CFAP20DC: variants seen among roughly 807,000 people sequenced by gnomAD.
The protein encoded by CFAP20DC is protein CFAP20DC.
CFAP20DC carries 84 observed loss-of-function variants against 101.7 expected under a neutral mutation model. The observed-to-expected ratio is 0.83, with a 90% CI of 0.69 to 0.99. The LOEUF (loss-of-function observed/expected upper bound fraction) is 0.99. Among genes scored for constraint, CFAP20DC ranks in the 50% least tolerant of loss-of-function variants. CFAP20DC has a pLI of 0.00. For synonymous variants in CFAP20DC, 359 were observed against 351.2 expected (o/e 1.02, Z -0.25); for missense variants, 1,007 against 970.3 (o/e 1.04, Z -0.50).
chr3:58,919,771 A>G (rs2085139315), intron 5 of CFAP20DC, among the ~76,000 whole-genome samples: 1 of 152,172 alleles, frequency 6.6e-6, no homozygotes, highest in East Asian at 1.9e-4. Flanking sequence ...GATATTGTAA[A>G]TATCTTTAAA....
At position 59,007,602 on chromosome 3, in the gene CFAP20DC, A is replaced by G. The variant is rs1413934024; in HGVS notation, c.278+31955T>C. On this transcript the variant is annotated intron_variant, in intron 4 of 16. Coordinates refer to ENST00000482387, the MANE Select transcript of CFAP20DC (RefSeq NM_001394063.1). This position sits in a 1 kb window ranked among gnomAD's most constrained non-coding sequence, Gnocchi z 4.4. ...AACATGTCTACAACTAAGGACTCTC[A>G]CAGAGCCTACATCACTGCCGTGCTA... 1.3e-5 allele frequency among the ~76,000 whole-genome samples: 2 copies of G among 152,220 alleles called. No individual in the cohort carries two copies.
intron 4 of CFAP20DC, among the ~76,000 whole-genome samples, chr3:58,962,641 C>T (rs1009524643): frequency 1.3e-5 from 2 of 152,164 alleles, no homozygotes; most frequent in African/African-American, 4.8e-5. Context: ...ACTAGTAAAG[C>T]TTCTACCCTT....
At chr3:59,022,512 T>A (rs1236758381) in intron 4 of CFAP20DC, among the ~76,000 whole-genome samples, 1 of 152,140 alleles carries the variant, frequency 6.6e-6, no homozygotes, top group Non-Finnish European at 1.5e-5. Context: ...TAATCATATA[T>A]GGTTTTAAAT....
chr3:58,791,239 C>A lies in CFAP20DC; in HGVS notation c.2237+15156G>T, dbSNP rs183621500. On this transcript the variant is annotated intron_variant, in intron 15 of 16. Transcript: ENST00000482387. ...CCTAATATTACTATTAATATCCCTA[C>A]CAATACTATCATCACTTTCTACCAT... Among the ~76,000 whole-genome samples the A allele has an allele frequency of 1.3e-4, 20 of 152,206 alleles. No homozygotes were observed. The East Asian group carries it at 3.7e-3, about 28-fold the overall frequency.
At chr3:58,972,813 A>G (rs1283519313) in intron 4 of CFAP20DC, among the ~76,000 whole-genome samples, 2 of 152,210 alleles carry the variant, frequency 1.3e-5, no homozygotes, top group Admixed American at 6.6e-5. Flanking sequence ...TGTTCAAAGC[A>G]TAAGTAAGGC....
rs367931755 is a variant in CFAP20DC, at chr3:58,819,790, T to G, written c.2175+11896A>C. ...AGAGGGAATCCTCCCTAACTCATTT[T>G]ATGAGGCCAGCATCATCCTGATACC... On this transcript the variant is annotated intron_variant, in intron 14 of 16. Coordinates refer to ENST00000482387, the MANE Select transcript of CFAP20DC (RefSeq NM_001394063.1). Among the ~76,000 whole-genome samples, 43 of 148,622 alleles carry G rather than the reference T, an allele frequency of 2.9e-4. 1 individual carries two copies. The highest frequency in any genetic ancestry group is 8.9e-4 in the East Asian group (4 of 4,494).
At chr3:58,811,868 A>C (rs1489982930) in intron 14 of CFAP20DC, among the ~76,000 whole-genome samples, 2 of 151,656 alleles carry the variant, frequency 1.3e-5, no homozygotes, top group African/African-American at 4.8e-5. Flanking sequence ...AGAAAAAAAG[A>C]AACGACCCCA....
intron 4 of CFAP20DC, among the ~76,000 whole-genome samples, chr3:59,034,804 G>A (rs936070282): frequency 2.6e-5 from 4 of 152,074 alleles, no homozygotes; most frequent in Non-Finnish European, 5.9e-5. Context: ...AAATTAACAA[G>A]GATATTTAGG....
At chr3:58,898,961 G>A (rs1343210653) in intron 6 of CFAP20DC, among the ~76,000 whole-genome samples, 6 of 151,302 alleles carry the variant, frequency 4.0e-5, no homozygotes, top group African/African-American at 1.2e-4. Context: ...GTGGTTTTCT[G>A]AGGGTCCACT....
chr3:59,020,615 G>A (rs928502766), intron 4 of CFAP20DC, among the ~76,000 whole-genome samples: 12 of 152,074 alleles, frequency 7.9e-5, no homozygotes, highest in Middle Eastern at 6.8e-3. Context: ...TCCCTTTTAC[G>A]TAGGAGATTG....
intron 6 of CFAP20DC, among the ~76,000 whole-genome samples, chr3:58,908,809 T>C (rs115341094): frequency 3.3e-5 from 5 of 152,304 alleles, no homozygotes; most frequent in Non-Finnish European, 7.4e-5. Context: ...AATGGAATAT[T>C]ATCCGGTGTT....
intron 4 of CFAP20DC, among the ~76,000 whole-genome samples, chr3:58,967,478 C>A (rs1186798226): frequency 1.3e-5 from 2 of 151,596 alleles, no homozygotes; most frequent in Non-Finnish European, 2.9e-5. Flanking sequence ...ATAGGATGGC[C>A]AAAGCACAAG....
intron 3 of CFAP20DC, among the ~76,000 whole-genome samples, chr3:59,040,953 G>C (rs1699321664): frequency 1.3e-5 from 2 of 152,018 alleles, no homozygotes; most frequent in Non-Finnish European, 2.9e-5. Context: ...CTTGATCCTA[G>C]AAAATTCTCT....
At position 58,912,480 on chromosome 3, in the gene CFAP20DC, C is replaced by T. The variant is rs985491556; in HGVS notation, c.550+1228G>A. 1 of 297,074 alleles carries T rather than the reference C, an allele frequency of 3.4e-6. No homozygotes were observed. Among genetic ancestry groups the T allele is most frequent in the African/African-American group, 2.2e-5 (1 of 45,144 alleles). The allele number at this position is 297,074 out of a possible 1,614,324, so 18.4% of individuals were successfully genotyped here. A position where few individuals can be genotyped will look rare whatever the true frequency, so the allele number is the denominator to read the frequency against. On this transcript the variant is annotated intron_variant, in intron 6 of 16. Coordinates refer to ENST00000482387, the MANE Select transcript of CFAP20DC (RefSeq NM_001394063.1). The surrounding 1 kb of genome is among the most constrained non-coding windows in gnomAD (Gnocchi z 4.4). ...TTTATAGGCACAGTGTCCTGTTCCACAGAGTGAGCCACATCAAGATTTCTC... is the reference window on the plus strand; with the variant it reads ...TTTATAGGCACAGTGTCCTGTTCCATAGAGTGAGCCACATCAAGATTTCTC...
intron 6 of CFAP20DC, among the ~76,000 whole-genome samples, chr3:58,911,225 A>C (rs1046922370): frequency 1.3e-5 from 2 of 152,174 alleles, no homozygotes; most frequent in Non-Finnish European, 2.9e-5. Flanking sequence ...AGCTGAAAAC[A>C]GATAAATAAA....
At chr3:58,778,659 T>A (rs538954701) in intron 15 of CFAP20DC, among the ~76,000 whole-genome samples, 76 of 152,302 alleles carry the variant, frequency 5.0e-4, no homozygotes, top group African/African-American at 1.8e-3. Flanking sequence ...GCCCAAGAAT[T>A]GGCCTGCCTG....
At chr3:58,827,574 C>G (rs2076127268) in intron 14 of CFAP20DC, among the ~76,000 whole-genome samples, 1 of 152,200 alleles carries the variant, frequency 6.6e-6, no homozygotes, top group African/African-American at 2.4e-5. Context: ...CCTTTTGGAA[C>G]TTGGAATTCC....
intron 6 of CFAP20DC, among the ~76,000 whole-genome samples, chr3:58,907,111 G>GTGTGTA (rs892962090): frequency 1.3e-5 from 2 of 151,990 alleles, no homozygotes; most frequent in African/African-American, 4.8e-5. Flanking sequence ...GTGTGTGTGT[G>GTGTGTA]TGTGTATGTA....
At chr3:58,976,836 G>A (rs893031379) in intron 4 of CFAP20DC, among the ~76,000 whole-genome samples, 1 of 152,092 alleles carries the variant, frequency 6.6e-6, no homozygotes. Context: ...GTGTGAGTGC[G>A]TTCTGCCTGT....
Sources: allele counts gnomAD v4.1 joint callset (sites outside exome capture counted in the v4.1 genomes callset), GRCh38; gene constraint gnomAD v4.1.1; non-coding constraint Gnocchi (gnomAD v3.1); transcripts MANE v1.5; gene names NCBI Gene and HGNC (gene_info 2026-07-23, HGNC 2026-07-21).